CORO6: variants seen among roughly 807,000 people sequenced by gnomAD.
CORO6 encodes the protein coronin-6.
Under a neutral mutation model 49.0 loss-of-function variants are expected in CORO6, and 43 were observed. That is an observed-to-expected ratio of 0.88 (90% CI 0.69 to 1.13). The LOEUF (loss-of-function observed/expected upper bound fraction) is 1.13, where lower values mean the gene tolerates loss of function less well. Among genes scored for constraint, CORO6 ranks in the 50% most tolerant of loss-of-function variants. The pLI is 0.00. For synonymous variants in CORO6, 233 were observed against 256.5 expected, an observed-to-expected ratio of 0.91 and a Z score of 0.88; for missense variants, 650 against 647.0, an observed-to-expected ratio of 1.00 and a Z score of -0.05.
Position 29,622,717 on chromosome 17 carries a change from C to G in CORO6, c.-93G>C, listed in dbSNP as rs867935515. On this transcript the variant is annotated 5_prime_UTR_variant, in exon 1 of 11. Transcript: ENST00000388767. ...TCCTGAGCGGGCTGCGGGGCGCTCA[C>G]GCTGCGAATCCTCTGCGGAAGGGGC... is the stretch of plus-strand genomic sequence containing the variant. The G allele has an allele frequency of 7.7e-7, 1 of 1,294,442 alleles. No homozygotes were observed. 80.2% of individuals were successfully genotyped at this position (1,294,442 alleles called of 1,614,324 possible).
At position 29,616,755 on chromosome 17, in the gene CORO6, G is replaced by A; in HGVS notation, c.951C>T (p.Gly317=). Residue 317 remains glycine (G), a synonymous_variant, in exon 8 of 11, where the codon GGC becomes GGT. Coordinates refer to ENST00000388767, the MANE Select transcript of CORO6 (RefSeq NM_032854.4). This position sits in a 1 kb window ranked among gnomAD's most constrained non-coding sequence, Gnocchi z 5.6. The part of the protein sequence containing the change: ...NTFSSKEPQR[G]MGFMPKRGLD... ...GTCCCCTTTTGGGCATGAAACCCATGCCCCGCTGCGGCTCTTTGCTGCTGA... is the reference window on the plus strand; with the variant it reads ...GTCCCCTTTTGGGCATGAAACCCATACCCCGCTGCGGCTCTTTGCTGCTGA... 1 of 1,613,850 alleles carries A rather than the reference G, an allele frequency of 6.2e-7. No individual in the cohort carries two copies.
rs201402766 is a variant in CORO6, at chr17:29,619,259, C to CT, written c.322-71dup. 1.8e-3 allele frequency: 2,743 copies of CT among 1,540,210 alleles called. 5 individuals are homozygous for CT. Among genetic ancestry groups the CT allele is most frequent in the East Asian group, 5.6e-3 (244 of 43,482 alleles). On this transcript the variant is annotated intron_variant, in intron 3 of 10. Coordinates refer to ENST00000388767, the MANE Select transcript of CORO6 (RefSeq NM_032854.4). ...CCCTGTCCCTCCACTCCTTCCCTAC[C>CT]TTTTTTTTTAACCCTACTGGCTCTC...
At chr17:29,618,114 T>G in intron 5 of CORO6, 1 of 1,444,156 alleles carries the variant, frequency 6.9e-7, no homozygotes, top group Non-Finnish European at 9.1e-7. Context: ...GCTTCCCGTC[T>G]GCGGTGAAGA....
rs1230843814 is a variant in CORO6, at chr17:29,616,938, C to T, written c.858G>A (p.Lys286=). The change falls in exon 7 of 11, where the codon AAG becomes AAA. Residue 286 remains lysine (K), a splice_region_variant and synonymous_variant. Coordinates refer to ENST00000388767, the MANE Select transcript of CORO6 (RefSeq NM_032854.4). This position sits in a 1 kb window ranked among gnomAD's most constrained non-coding sequence, Gnocchi z 5.6. ...PDSSIVYLCG[K]GDSSIRYFEI... is the part of the protein sequence containing the mutation. ...GTTCTCCCTGCCCGGCCGTGAGCAC[C>T]TTGCCACACAGGTAGACGATGCTGG... is the stretch of plus-strand genomic sequence containing the variant. 1.9e-6 allele frequency: 3 copies of T among 1,613,648 alleles called. No individual in the cohort carries two copies. In the African/African-American group the frequency reaches 4.0e-5, roughly 22 times the overall value.
intron 5 of CORO6, chr17:29,618,167 C>T (rs2035101449): frequency 1.5e-6 from 2 of 1,371,176 alleles, no homozygotes; most frequent in Non-Finnish European, 1.9e-6. Flanking sequence ...CGGGCTTGCT[C>T]CTGCTCGCCG....
chr17:29,621,607 T>A lies in CORO6; in HGVS notation c.-63-123A>T. Reference sequence around the variant, plus strand: ...GGAGCTTTCTTCAAGGTGGTCAAAGTATGGGAAAGTTATTTTGCTGTGTAA... The same window carrying A: ...GGAGCTTTCTTCAAGGTGGTCAAAGAATGGGAAAGTTATTTTGCTGTGTAA... On this transcript the variant is annotated intron_variant, in intron 1 of 10. Transcript: ENST00000388767. The surrounding 1 kb of genome is among the most constrained non-coding windows in gnomAD (Gnocchi z 4.2). 3 of 1,025,390 alleles carry A rather than the reference T, an allele frequency of 2.9e-6. No homozygotes were observed. Among genetic ancestry groups the A allele is most frequent in the Non-Finnish European group, 4.2e-6 (3 of 722,552 alleles). 63.5% of individuals were successfully genotyped at this position (1,025,390 alleles called of 1,614,324 possible).
Position 29,621,598 on chromosome 17 carries a change from TG to T in CORO6, c.-63-115del. On this transcript the variant is annotated intron_variant, in intron 1 of 10. Coordinates refer to ENST00000388767, the MANE Select transcript of CORO6 (RefSeq NM_032854.4). This position sits in a 1 kb window ranked among gnomAD's most constrained non-coding sequence, Gnocchi z 4.2. ...TAGAAGCAGGGAGCTTTCTTCAAGGTGGTCAAAGTATGGGAAAGTTATTTTG... is the reference window on the plus strand; with the variant it reads ...TAGAAGCAGGGAGCTTTCTTCAAGGTGTCAAAGTATGGGAAAGTTATTTTG... 8.7e-7 allele frequency: 1 copy of T among 1,148,170 alleles called. No homozygotes were observed. The highest frequency in any genetic ancestry group is 1.6e-5 in the South Asian group (1 of 62,438). The allele number at this position is 1,148,170 out of a possible 1,614,324, so 71.1% of individuals were successfully genotyped here. A position where few individuals can be genotyped will look rare whatever the true frequency, so the allele number is the denominator to read the frequency against.
chr17:29,622,367 C>G (rs951497320), intron 1 of CORO6: 1 of 186,314 alleles, frequency 5.4e-6, no homozygotes, highest in African/African-American at 2.4e-5. Flanking sequence ...TGAGCACTCC[C>G]AAAGCCCCAG....
chr17:29,616,982 G>A lies in CORO6; in HGVS notation c.814C>T (p.Pro272Ser), dbSNP rs200293727. ...ATGCTGGAGTCGGGATCGTAAAAGG[G>A]CAATAGGACCCCGTTGCTTGTGTCC... is the stretch of plus-strand genomic sequence containing the variant. ...EMDTSNGVLL[P>S]FYDPDSSIVY... Residue 272 changes from proline (P) to serine (S), a missense_variant, in exon 7 of 11, where the codon CCC (proline) becomes TCC (serine). Coordinates refer to ENST00000388767, the MANE Select transcript of CORO6 (RefSeq NM_032854.4). The surrounding 1 kb of genome is among the most constrained non-coding windows in gnomAD (Gnocchi z 5.6). The A allele has an allele frequency of 3.3e-5, 53 of 1,613,616 alleles. No homozygotes were observed. Among genetic ancestry groups the A allele is most frequent in the Non-Finnish European group, 4.4e-5 (52 of 1,180,018 alleles).
Position 29,619,075 on chromosome 17 carries a change from C to G in CORO6, c.436G>C (p.Val146Leu). 6.2e-7 allele frequency: 1 copy of G among 1,613,562 alleles called. No homozygotes were observed. Among genetic ancestry groups the G allele is most frequent in the Non-Finnish European group, 8.5e-7 (1 of 1,179,832 alleles). The change falls in exon 4 of 11, where the codon GTC (valine) becomes CTC (leucine). Residue 146 changes from valine to leucine, a missense_variant. Physicochemically the swap from Val to Leu is conservative, Grantham distance 32 (BLOSUM62 1). Coordinates refer to ENST00000388767, the MANE Select transcript of CORO6 (RefSeq NM_032854.4). ...ILSWHPTARNVLLSAGGDNVI... is the reference protein window; with the variant it reads ...ILSWHPTARNLLLSAGGDNVI... ...GCCCCCAGACCTGCACTGAGCAGGA[C>G]ATTCCTGGCAGTAGGGTGCCAGGAG...
chr17:29,622,516 G>T (rs1360814213), intron 1 of CORO6, among the ~76,000 whole-genome samples, 172 bp downstream of exon 1: 1 of 152,242 alleles, frequency 6.6e-6, no homozygotes, highest in Non-Finnish European at 1.5e-5. Flanking sequence ...GAGACGAGGT[G>T]TCTGCGCCCT....
chr17:29,618,092 C>T lies in CORO6; in HGVS notation c.634-473G>A, dbSNP rs935963682. 6.7e-6 allele frequency: 10 copies of T among 1,481,850 alleles called. No individual in the cohort carries two copies. The African/African-American group carries it at 1.0e-4, about 15-fold the overall frequency. 91.8% of individuals were successfully genotyped at this position (1,481,850 alleles called of 1,614,324 possible). On this transcript the variant is annotated intron_variant, in intron 5 of 10. Coordinates refer to ENST00000388767, the MANE Select transcript of CORO6 (RefSeq NM_032854.4). The stretch of plus-strand genomic sequence containing the variant: ...TGCCGCTCACTCATCCTGCTGAAGC[C>T]GGTGCTGAGCAGCTTCCCGTCTGCG...
chr17:29,617,547 TG>T lies in CORO6; in HGVS notation c.705del (p.Thr236ArgfsTer6). On this transcript the variant is annotated frameshift_variant, in exon 6 of 11. Coordinates refer to ENST00000388767, the MANE Select transcript of CORO6 (RefSeq NM_032854.4). LOFTEE classifies it high-confidence loss of function. The part of the protein sequence containing the change: ...AVFTRQGHIF[T>X]TGFTRMSQRE... ...CGCTGGCTCATGCGGGTGAAGCCCG[TG>T]GTGAAGATATGGCCCTGGCGCGTGA... The T allele has an allele frequency of 6.2e-7, 1 of 1,611,130 alleles. No homozygotes were observed. The highest frequency in any genetic ancestry group is 8.5e-7 in the Non-Finnish European group (1 of 1,179,628).
At position 29,619,640 on chromosome 17, in the gene CORO6, C is replaced by G; in HGVS notation, c.321+11G>C. The G allele has an allele frequency of 6.2e-7, 1 of 1,612,784 alleles. No homozygotes were observed. Among genetic ancestry groups the G allele is most frequent in the Non-Finnish European group, 8.5e-7 (1 of 1,179,316 alleles). On this transcript the variant is annotated intron_variant, in intron 3 of 10. Coordinates refer to ENST00000388767, the MANE Select transcript of CORO6 (RefSeq NM_032854.4). The stretch of plus-strand genomic sequence containing the variant: ...TGCTCAACTGCCCAGCAGTAGCCAC[C>G]TGGCTCCTACCATGATGGTGGTGTC...
At chr17:29,617,130 C>A in intron 6 of CORO6, 88 bp from the exon 7 acceptor site, 2 of 1,584,176 alleles carry the variant, frequency 1.3e-6, no homozygotes, top group Non-Finnish European at 1.7e-6. Flanking sequence ...GCTTCCTGGC[C>A]TTCCCAAACC....
chr17:29,620,362 C>T (rs1021119550), intron 2 of CORO6, among the ~76,000 whole-genome samples: 2 of 152,204 alleles, frequency 1.3e-5, no homozygotes, highest in Non-Finnish European at 2.9e-5. Flanking sequence ...CCAGACCAGG[C>T]AGCGGGGGAG....
Position 29,622,734 on chromosome 17 carries a change from G to A in CORO6, c.-110C>T. The A allele has an allele frequency of 7.6e-7, 1 of 1,313,582 alleles. No homozygotes were observed. The allele number at this position is 1,313,582 out of a possible 1,614,324, so 81.4% of individuals were successfully genotyped here. ...GGCGCTCACGCTGCGAATCCTCTGCGGAAGGGGCCCGAGTGCGTAGGGGGC... is the reference window on the plus strand; with the variant it reads ...GGCGCTCACGCTGCGAATCCTCTGCAGAAGGGGCCCGAGTGCGTAGGGGGC... On this transcript the variant is annotated 5_prime_UTR_variant, in exon 1 of 11. Transcript: ENST00000388767.
rs778905256 is a variant in CORO6, at chr17:29,622,852, G to A, written c.-228C>T. On this transcript the variant is annotated 5_prime_UTR_variant, in exon 1 of 11. Transcript: ENST00000388767. ...AGCTCCGCACTCTGGCCGATCCTGCGGCTCTCTAGAGCCCGGCGCCGCTGC... is the reference window on the plus strand; with the variant it reads ...AGCTCCGCACTCTGGCCGATCCTGCAGCTCTCTAGAGCCCGGCGCCGCTGC... The A allele has an allele frequency of 1.8e-4, 240 of 1,302,304 alleles. 1 individual carries two copies. Among genetic ancestry groups the A allele is most frequent in the Non-Finnish European group, 1.7e-4 (166 of 989,846 alleles). 80.7% of individuals were successfully genotyped at this position (1,302,304 alleles called of 1,614,324 possible). A position where few individuals can be genotyped will look rare whatever the true frequency, so the allele number is the denominator to read the frequency against.
chr17:29,616,526 T>G lies in CORO6; in HGVS notation c.1004+176A>C, dbSNP rs1257373669. On this transcript the variant is annotated intron_variant, in intron 8 of 10. Coordinates refer to ENST00000388767, the MANE Select transcript of CORO6 (RefSeq NM_032854.4). This position sits in a 1 kb window ranked among gnomAD's most constrained non-coding sequence, Gnocchi z 5.6. Reference sequence around the variant, plus strand: ...ACCATCATCTTATAGATGAGGAAACTGAAGTTGAGAATGTAAGGCTAGTGA... The same window carrying G: ...ACCATCATCTTATAGATGAGGAAACGGAAGTTGAGAATGTAAGGCTAGTGA... 6.6e-6 allele frequency among the ~76,000 whole-genome samples: 1 copy of G among 152,150 alleles called. No individual in the cohort carries two copies. Among genetic ancestry groups the G allele is most frequent in the Non-Finnish European group, 1.5e-5 (1 of 68,030 alleles).
Sources: allele counts gnomAD v4.1 joint callset (sites outside exome capture counted in the v4.1 genomes callset), GRCh38; gene constraint gnomAD v4.1.1; non-coding constraint Gnocchi (gnomAD v3.1); transcripts MANE v1.5; gene names NCBI Gene and HGNC (gene_info 2026-07-23, HGNC 2026-07-21).